The following RGS7 variants were observed in gnomAD, a reference collection of about 807,000 sequenced individuals.
The protein encoded by RGS7 is regulator of G protein signaling 7, also known as regulator of G-protein signaling 7.
Under a neutral mutation model 81.1 loss-of-function variants are expected in RGS7, and 27 were observed. The observed-to-expected ratio is 0.33, with a 90% CI of 0.25 to 0.46. The LOEUF (loss-of-function observed/expected upper bound fraction) is 0.46, where lower values mean the gene tolerates loss of function less well. Ranked by LOEUF, RGS7 falls within the 20% of genes least tolerant of loss-of-function variation. The pLI, the probability that RGS7 is intolerant of heterozygous loss-of-function variation, is 1.00. For synonymous variants in RGS7, 208 were observed against 207.7 expected, an observed-to-expected ratio of 1.00 and a Z score of -0.01; for missense variants, 396 against 607.4, an observed-to-expected ratio of 0.65 and a Z score of 3.66.
At chr1:240,886,534 G>A (rs146372670) in intron 6 of RGS7, among the ~76,000 whole-genome samples, 1 of 152,246 alleles carries the variant, frequency 6.6e-6, no homozygotes, top group East Asian at 1.9e-4. Flanking sequence ...ATATTTCATT[G>A]AATATCTGAA....
At chr1:240,780,439 CAAAAA>C (rs34568911) in intron 18 of RGS7, among the ~76,000 whole-genome samples, 434 of 40,164 alleles carry the variant, frequency 0.011, 2 homozygotes, top group Middle Eastern at 0.018. Flanking sequence ...GACTCTGTCT[CAAAAA>C]AAAAAAAAAA....
intron 4 of RGS7, among the ~76,000 whole-genome samples, chr1:240,947,756 T>C (rs2148422722): frequency 6.6e-6 from 1 of 152,352 alleles, no homozygotes; most frequent in African/African-American, 2.4e-5. Context: ...GTCGCTCCTG[T>C]GCAAGCCCTC....
At chr1:241,141,395 T>A (rs911090817) in intron 2 of RGS7, among the ~76,000 whole-genome samples, 1 of 152,198 alleles carries the variant, frequency 6.6e-6, no homozygotes, top group Non-Finnish European at 1.5e-5. Context: ...CACTACAGAT[T>A]CACTGTATTA....
chr1:241,210,893 C>A (rs1467879086), intron 2 of RGS7, among the ~76,000 whole-genome samples: 1 of 152,088 alleles, frequency 6.6e-6, no homozygotes, highest in African/African-American at 2.4e-5. Context: ...GGTAATAGAT[C>A]AACATAAGAA....
At chr1:240,879,620 A>C (rs1394276415) in intron 6 of RGS7, among the ~76,000 whole-genome samples, 1 of 152,202 alleles carries the variant, frequency 6.6e-6, no homozygotes, top group Non-Finnish European at 1.5e-5. Flanking sequence ...ATAACTGGAA[A>C]GTGACAAAAC....
intron 3 of RGS7, among the ~76,000 whole-genome samples, chr1:241,019,208 C>CA (rs911047813): frequency 6.6e-6 from 1 of 152,092 alleles, no homozygotes; most frequent in African/African-American, 2.4e-5. Context: ...CGGTGTCTAG[C>CA]ATCTTCATTT....
chr1:240,812,249 A>G (rs928880263), intron 13 of RGS7, among the ~76,000 whole-genome samples: 2 of 152,142 alleles, frequency 1.3e-5, no homozygotes, highest in African/African-American at 4.8e-5. Flanking sequence ...ATTGAGCATT[A>G]TGTGCCAGGC....
intron 2 of RGS7, among the ~76,000 whole-genome samples, chr1:241,253,631 C>T (rs1036491633): frequency 3.3e-5 from 5 of 152,108 alleles, no homozygotes; most frequent in African/African-American, 1.2e-4. Flanking sequence ...GTACTTTATG[C>T]CCACCGTTGT....
chr1:240,988,328 C>T (rs968708756), intron 3 of RGS7, among the ~76,000 whole-genome samples: 19 of 151,380 alleles, frequency 1.3e-4, no homozygotes, highest in Admixed American at 1.1e-3. Context: ...ATTTAAAACA[C>T]GGCAGAATTT....
In RGS7 at chr1:241,283,848, A is replaced by G. The variant is rs2078654615; in HGVS notation, c.78+71851T>C. Among the ~76,000 whole-genome samples the G allele has an allele frequency of 3.3e-5, 5 of 152,058 alleles. No homozygotes were observed. In the South Asian group the frequency reaches 8.3e-4, roughly 25 times the overall value. ...CTATTTTTCAGATTGGGTAACTTCT[A>G]TTGTTCTATCTTCCAGTTCACCAAT... On this transcript the variant is annotated intron_variant, in intron 2 of 18. Transcript: ENST00000440928.
At chr1:240,996,080 C>T (rs183495100) in intron 3 of RGS7, among the ~76,000 whole-genome samples, 1 of 151,772 alleles carries the variant, frequency 6.6e-6, no homozygotes, top group Non-Finnish European at 1.5e-5. Context: ...TGTTTAATTT[C>T]CAAATGTTTG....
At chr1:241,039,068 T>G (rs1425225150) in intron 3 of RGS7, among the ~76,000 whole-genome samples, 1 of 152,120 alleles carries the variant, frequency 6.6e-6, no homozygotes, top group Non-Finnish European at 1.5e-5. Context: ...TCCGATGTTG[T>G]GACCACAGAG....
Position 241,327,777 on chromosome 1 carries a change from A to G in RGS7, c.78+27922T>C, listed in dbSNP as rs1402486024. On this transcript the variant is annotated intron_variant, in intron 2 of 18. Transcript: ENST00000440928. ...GACTATACATTTACAGATGTTTTTTAAACTCTTATTATTGAAATTCCTACA... is the reference window on the plus strand; with the variant it reads ...GACTATACATTTACAGATGTTTTTTGAACTCTTATTATTGAAATTCCTACA... Among the ~76,000 whole-genome samples, 4 of 152,364 alleles carry G rather than the reference A, an allele frequency of 2.6e-5. No homozygotes were observed. In the South Asian group the frequency reaches 6.2e-4, roughly 24 times the overall value.
intron 2 of RGS7, among the ~76,000 whole-genome samples, chr1:241,277,606 G>A (rs1199516124): frequency 7.7e-5 from 11 of 142,744 alleles, no homozygotes; most frequent in Admixed American, 4.3e-4. Context: ...GCGATAAAAC[G>A]AGACTCCATC....
intron 3 of RGS7, among the ~76,000 whole-genome samples, chr1:241,015,562 A>G (rs1402749337): frequency 6.6e-6 from 1 of 152,186 alleles, no homozygotes; most frequent in Non-Finnish European, 1.5e-5. Flanking sequence ...CTCCCCCAAA[A>G]GTTTACAGTC....
At chr1:241,083,614 T>G (rs1001179841) in intron 3 of RGS7, among the ~76,000 whole-genome samples, 2 of 152,204 alleles carry the variant, frequency 1.3e-5, no homozygotes, top group Non-Finnish European at 2.9e-5. Flanking sequence ...TCATGTCTCT[T>G]GCGGATCTAG....
chr1:240,902,874 AATATGT>A (rs1370245903), intron 6 of RGS7, among the ~76,000 whole-genome samples: 2 of 152,234 alleles, frequency 1.3e-5, no homozygotes, highest in Non-Finnish European at 2.9e-5. Flanking sequence ...TATTTTGAAG[AATATGT>A]ATATGTGTTT....
chr1:241,337,032 A>G (rs956672445), intron 2 of RGS7, among the ~76,000 whole-genome samples: 1 of 152,164 alleles, frequency 6.6e-6, no homozygotes, highest in Admixed American at 6.5e-5. Context: ...GGCAGGCTAG[A>G]TTTCAAATCT....
chr1:241,120,941 T>C (rs2066214450), intron 2 of RGS7, among the ~76,000 whole-genome samples: 1 of 152,102 alleles, frequency 6.6e-6, no homozygotes, highest in East Asian at 1.9e-4. Flanking sequence ...AATTTGAACT[T>C]TGGAGAAAGA....
Sources: allele counts gnomAD v4.1 joint callset (sites outside exome capture counted in the v4.1 genomes callset), GRCh38; gene constraint gnomAD v4.1.1; transcripts MANE v1.5; gene names NCBI Gene and HGNC (gene_info 2026-07-23, HGNC 2026-07-21).